GIGYF2: variants seen among roughly 807,000 people sequenced by gnomAD.
GIGYF2 encodes GRB10-interacting GYF protein 2.
In GIGYF2, 25 loss-of-function variants were observed where a neutral mutation model predicts 208.1. That is an observed-to-expected ratio of 0.12 (90% CI 0.09 to 0.17). The LOEUF is 0.17. GIGYF2 is among the 10% of genes least tolerant of loss of function. The pLI, the probability that GIGYF2 is intolerant of heterozygous loss-of-function variation, is 1.00. For synonymous variants in GIGYF2, 534 were observed against 543.8 expected (o/e 0.98, Z 0.25); for missense variants, 1,302 against 1,579.4 (o/e 0.82, Z 2.98).
rs963401842 is a variant in GIGYF2 at position 232,844,525 on chromosome 2, G to C, written c.3256G>C (p.Val1086Leu). 3.1e-6 allele frequency: 5 copies of C among 1,613,896 alleles called. No homozygotes were observed. The highest frequency in any genetic ancestry group is 1.1e-5 in the South Asian group (1 of 91,082). ...ATTCTGGGATGATGCAGTGAAAGAG[G>C]TGGGACCTAGGAATTCAACAAATAA... is the stretch of plus-strand genomic sequence containing the variant. ...MGFWDDAVKE[V>L]GPRNSTNKNK... The change falls in exon 25 of 29, where the codon GTG becomes CTG. Residue 1086 changes from valine (V) to leucine (L), a missense_variant. Coordinates refer to ENST00000373563, the MANE Select transcript of GIGYF2 (RefSeq NM_001103146.3).
intron 2 of GIGYF2, among the ~76,000 whole-genome samples, chr2:232,720,440 C>T (rs1185357751): frequency 2.0e-5 from 3 of 151,976 alleles, no homozygotes; most frequent in African/African-American, 7.3e-5. Context: ...ATTTATAATC[C>T]TTTGGGTATA....
In GIGYF2 at chr2:232,768,654, A is replaced by G. The variant is rs368709250; in HGVS notation, c.532+7218A>G. 5.0e-6 allele frequency: 8 copies of G among 1,613,904 alleles called. No homozygotes were observed. The highest frequency in any genetic ancestry group is 6.8e-6 in the Non-Finnish European group (8 of 1,179,960). On this transcript the variant is annotated intron_variant, in intron 8 of 28. Coordinates refer to ENST00000373563, the MANE Select transcript of GIGYF2 (RefSeq NM_001103146.3). ...GCCATTTTCTCTTTCCTGATAGAGT[A>G]CAGCTGAGACCCGGACACTGGTTAG...
intron 14 of GIGYF2, among the ~76,000 whole-genome samples, chr2:232,799,789 C>T (rs997494085): frequency 6.6e-6 from 1 of 152,088 alleles, no homozygotes; most frequent in African/African-American, 2.4e-5. Context: ...ACCAAATTCT[C>T]TCCAACACTT....
intron 8 of GIGYF2, among the ~76,000 whole-genome samples, chr2:232,763,977 CATTT>C (rs755718500): frequency 1.6e-4 from 24 of 152,146 alleles, no homozygotes; most frequent in African/African-American, 5.8e-4. Flanking sequence ...CATATGAACT[CATTT>C]ATTCATTCAA....
At position 232,787,171 on chromosome 2, in the gene GIGYF2, G is replaced by T. The variant is rs766688399; in HGVS notation, c.554G>T (p.Gly185Val). ...KDVGRPNFEE[G>V]GPTSVGRKHE... is the part of the protein sequence containing the mutation. The stretch of plus-strand genomic sequence containing the variant: ...ATAGGGAGACCAAATTTTGAGGAAG[G>T]TGGACCAACATCAGTAGGGAGAAAG... Residue 185 changes from glycine (G) to valine (V), a missense_variant, in exon 9 of 29, where the codon GGT becomes GTT. Transcript: ENST00000373563. 34 of 1,613,804 alleles carry T rather than the reference G, an allele frequency of 2.1e-5. No individual in the cohort carries two copies. Among genetic ancestry groups the T allele is most frequent in the East Asian group, 6.7e-5 (3 of 44,888 alleles).
intron 28 of GIGYF2, among the ~76,000 whole-genome samples, chr2:232,856,292 T>A (rs914604330): frequency 2.0e-5 from 3 of 152,094 alleles, no homozygotes; most frequent in African/African-American, 7.2e-5. Flanking sequence ...TTAGGTTATA[T>A]CAGAACCTTA....
intron 2 of GIGYF2, chr2:232,706,013 A>G (rs912832222): frequency 2.6e-5 from 4 of 152,122 alleles, no homozygotes; most frequent in African/African-American, 9.7e-5. Context: ...CCCGTTTATT[A>G]TTGTTTGTAG....
In GIGYF2 at chr2:232,806,655, A is replaced by G. The variant is rs747418872; in HGVS notation, c.1804A>G (p.Met602Val). Residue 602 changes from methionine to valine, a missense_variant and splice_region_variant, in exon 15 of 29, where the codon ATG (methionine) becomes GTG (valine). Transcript: ENST00000373563. This position sits in a 1 kb window ranked among gnomAD's most constrained non-coding sequence, Gnocchi z 4.0. ...FSPGPAPPPH[M>V]GELDQERLTR... is the part of the protein sequence containing the mutation. ...TCCAGGTCCAGCTCCCCCTCCTCAT[A>G]TGGTAAGTACCTTTCACCTCACCTG... is the stretch of plus-strand genomic sequence containing the variant. 1.0e-5 allele frequency: 16 copies of G among 1,606,536 alleles called. No homozygotes were observed. Among genetic ancestry groups the G allele is most frequent in the Middle Eastern group, 1.7e-4 (1 of 6,042 alleles).
chr2:232,757,068 G>C (rs1698575568), intron 6 of GIGYF2, among the ~76,000 whole-genome samples: 1 of 152,128 alleles, frequency 6.6e-6, no homozygotes, highest in African/African-American at 2.4e-5. Flanking sequence ...TGGAAGAATT[G>C]GATGTCTGCA....
chr2:232,849,904 A>G (rs1690246919), intron 27 of GIGYF2, among the ~76,000 whole-genome samples: 1 of 152,222 alleles, frequency 6.6e-6, no homozygotes, highest in African/African-American at 2.4e-5. Flanking sequence ...GCTCTTGGTT[A>G]GGTGAGAGGT....
At chr2:232,847,269 T>TA in intron 26 of GIGYF2, 79 bp from the exon 27 acceptor site, 1 of 1,440,616 alleles carries the variant, frequency 6.9e-7, no homozygotes, top group South Asian at 1.1e-5. Flanking sequence ...AAAGATACAT[T>TA]AAAAATGGAA....
chr2:232,752,429 T>TC (rs1698368331), intron 5 of GIGYF2, among the ~76,000 whole-genome samples: 1 of 152,192 alleles, frequency 6.6e-6, no homozygotes. Flanking sequence ...TCCTTCTCCC[T>TC]CCATGTATCT....
At chr2:232,732,934 T>C (rs558020392) in intron 2 of GIGYF2, among the ~76,000 whole-genome samples, 4 of 152,206 alleles carry the variant, frequency 2.6e-5, no homozygotes, top group African/African-American at 7.2e-5. Flanking sequence ...TCGGCAGTTA[T>C]GTTTTCTTTG....
intron 23 of GIGYF2, among the ~76,000 whole-genome samples, chr2:232,841,603 C>G (rs1701820185): frequency 6.6e-6 from 1 of 152,244 alleles, no homozygotes; most frequent in African/African-American, 2.4e-5. Context: ...ACATGAGCCA[C>G]CGTGCCCTGC....
intron 9 of GIGYF2, chr2:232,788,733 T>A (rs578033457): frequency 1.8e-4 from 49 of 278,500 alleles, no homozygotes; most frequent in African/African-American, 9.8e-4. Context: ...TTTCTGAATC[T>A]TTCTTTCCCC....
intron 22 of GIGYF2, among the ~76,000 whole-genome samples, chr2:232,837,819 A>G (rs1265993553): frequency 1.3e-5 from 2 of 152,228 alleles, no homozygotes; most frequent in Non-Finnish European, 2.9e-5. Flanking sequence ...GAGCAGGTCC[A>G]CGCAGCTCCT....
chr2:232,739,182 A>G (rs1697864858), intron 3 of GIGYF2, among the ~76,000 whole-genome samples: 1 of 150,152 alleles, frequency 6.7e-6, no homozygotes, highest in Non-Finnish European at 1.5e-5. Context: ...AACATGATGA[A>G]ACCCCACCTC....
chr2:232,749,192 C>A (rs1167328756), intron 5 of GIGYF2, 110 bp downstream of exon 5: 2 of 755,410 alleles, frequency 2.6e-6, no homozygotes, highest in Non-Finnish European at 4.9e-6. Context: ...CCTCATAGGT[C>A]TGCTTTCTTC....
intron 17 of GIGYF2, among the ~76,000 whole-genome samples, chr2:232,811,806 A>C (rs1276107415): frequency 1.1e-4 from 17 of 152,244 alleles, no homozygotes; most frequent in Admixed American, 1.1e-3. Context: ...ATTATCGTTC[A>C]GAGTAATATT....
Sources: gnomAD v4.1 joint callset for allele counts (sites outside exome capture counted in the v4.1 genomes callset) on GRCh38, gnomAD v4.1.1 for gene constraint, Gnocchi (gnomAD v3.1) non-coding constraint, MANE v1.5 for transcripts, NCBI Gene and HGNC (gene_info 2026-07-23, HGNC 2026-07-21) for gene names.